PRKN: variants seen among roughly 807,000 people sequenced by gnomAD.
PRKN encodes the protein E3 ubiquitin-protein ligase parkin.
A neutral mutation model predicts 59.5 loss-of-function variants in PRKN; 56 were observed. The observed-to-expected ratio is 0.94, with a 90% CI of 0.76 to 1.18. The LOEUF is 1.18. Among genes scored for constraint, PRKN ranks in the 50% most tolerant of loss-of-function variants. The pLI is 0.00. For synonymous variants in PRKN, 250 were observed against 222.1 expected, an observed-to-expected ratio of 1.13 and a Z score of -1.12; for missense variants, 657 against 596.4, an observed-to-expected ratio of 1.10 and a Z score of -1.06.
intron 9 of PRKN, among the ~76,000 whole-genome samples, chr6:161,501,762 C>T (rs1777972734): frequency 6.6e-6 from 1 of 152,124 alleles, no homozygotes; most frequent in Non-Finnish European, 1.5e-5. Flanking sequence ...TGAATTTGTA[C>T]AAGGCTCAGT....
chr6:162,274,180 A>ATTTATTT (rs1562631892), intron 2 of PRKN, among the ~76,000 whole-genome samples: 1 of 151,226 alleles, frequency 6.6e-6, no homozygotes, highest in South Asian at 2.1e-4. Context: ...TTAATTTATT[A>ATTTATTT]ATGTATTTAT....
intron 2 of PRKN, among the ~76,000 whole-genome samples, chr6:162,285,798 A>T (rs565126409): frequency 1.3e-5 from 2 of 152,294 alleles, no homozygotes; most frequent in Non-Finnish European, 2.9e-5. Context: ...TCTGATGGGT[A>T]TGACTAGAAG....
chr6:161,520,058 G>A (rs922105607), intron 9 of PRKN, among the ~76,000 whole-genome samples: 2 of 152,172 alleles, frequency 1.3e-5, no homozygotes, highest in Non-Finnish European at 1.5e-5. Flanking sequence ...AGCCTCACCA[G>A]TAGAGATTGT....
At chr6:161,416,046 C>G (rs1787833541) in intron 9 of PRKN, among the ~76,000 whole-genome samples, 3 of 152,120 alleles carry the variant, frequency 2.0e-5, no homozygotes, top group Admixed American at 2.0e-4. Flanking sequence ...TTCCCATCCT[C>G]CCACCCCAGG....
At chr6:162,706,132 T>TAAAAAAAAAAA (rs766578797) in intron 1 of PRKN, among the ~76,000 whole-genome samples, 1 of 106,554 alleles carries the variant, frequency 9.4e-6, no homozygotes. Flanking sequence ...ACCTGAAGGT[T>TAAAAAAAAAAA]AAAAAAAAAA....
intron 2 of PRKN, among the ~76,000 whole-genome samples, chr6:162,292,473 T>C (rs528426555): frequency 3.2e-4 from 49 of 152,038 alleles, no homozygotes; most frequent in African/African-American, 1.2e-3. Flanking sequence ...AGGAGAGACT[T>C]AAAAAAAATC....
intron 5 of PRKN, among the ~76,000 whole-genome samples, chr6:162,007,426 A>G (rs1282985951): frequency 6.6e-6 from 1 of 152,220 alleles, no homozygotes; most frequent in Non-Finnish European, 1.5e-5. Flanking sequence ...GTCCCAGAGT[A>G]TAATGTGATA....
At chr6:161,684,761 T>G (rs1320848956) in intron 7 of PRKN, among the ~76,000 whole-genome samples, 2 of 151,818 alleles carry the variant, frequency 1.3e-5, no homozygotes, top group Non-Finnish European at 2.9e-5. Context: ...AAAGTCTATA[T>G]TTTAGGTCAT....
chr6:162,374,114 A>G (rs1212853482), intron 2 of PRKN, among the ~76,000 whole-genome samples: 1 of 152,224 alleles, frequency 6.6e-6, no homozygotes, highest in African/African-American at 2.4e-5. Context: ...ATACGCAAGG[A>G]GGCAGCTTAG....
chr6:161,499,132 A>ACATTT lies in PRKN; in HGVS notation c.1083+49721_1083+49722insAAATG, dbSNP rs1554267941. ...AGGGTCTGGACACACACACACACAC[A>ACATTT]TTTTTTTTTTTTTTTTGGCTCACAG... is the stretch of plus-strand genomic sequence containing the variant. On this transcript the variant is annotated intron_variant, in intron 9 of 11. Coordinates refer to ENST00000366898, the MANE Select transcript of PRKN (RefSeq NM_004562.3). This position sits in a 1 kb window ranked among gnomAD's most constrained non-coding sequence, Gnocchi z 4.2. 5.9e-5 allele frequency among the ~76,000 whole-genome samples: 8 copies of ACATTT among 136,558 alleles called. No individual in the cohort carries two copies. The highest frequency in any genetic ancestry group is 1.1e-4 in the African/African-American group (4 of 36,868). The allele number at this position is 136,558 out of a possible 152,430, so 89.6% of individuals were successfully genotyped here.
intron 1 of PRKN, 53 bp downstream of exon 1, chr6:162,727,609 T>C (rs1779343414): frequency 1.3e-6 from 2 of 1,552,058 alleles, no homozygotes; most frequent in Non-Finnish European, 1.8e-6. Flanking sequence ...CGTGGCGCCA[T>C]ACCGGGGCGT....
intron 2 of PRKN, among the ~76,000 whole-genome samples, chr6:162,351,297 A>C (rs1283220345): frequency 2.6e-5 from 4 of 152,236 alleles, no homozygotes; most frequent in Non-Finnish European, 5.9e-5. Context: ...GCAGCAAAGA[A>C]GACATATAGA....
chr6:161,547,621 C>T lies in PRKN; in HGVS notation c.1083+1233G>A, dbSNP rs1779842866. On this transcript the variant is annotated intron_variant, in intron 9 of 11. Transcript: ENST00000366898. The surrounding 1 kb of genome is among the most constrained non-coding windows in gnomAD (Gnocchi z 4.0). ...ATTTAGCCAGTAGTTAAAAACAATT[C>T]ATTAAAAGCTCATTTTAAAAGACAA... Among the ~76,000 whole-genome samples the T allele has an allele frequency of 6.6e-6, 1 of 152,188 alleles. No homozygotes were observed. Among genetic ancestry groups the T allele is most frequent in the African/African-American group, 2.4e-5 (1 of 41,444 alleles).
chr6:162,269,700 T>A (rs1025385533), intron 2 of PRKN: 1 of 152,196 alleles, frequency 6.6e-6, no homozygotes, highest in African/African-American at 2.4e-5. Flanking sequence ...TCTAAATCTG[T>A]TAAACTCTAT....
intron 4 of PRKN, among the ~76,000 whole-genome samples, chr6:162,158,454 T>C (rs1458680784): frequency 1.3e-5 from 2 of 150,668 alleles, no homozygotes; most frequent in East Asian, 3.9e-4. Context: ...GTTTTTGAGA[T>C]GGAATCCCAC....
intron 6 of PRKN, among the ~76,000 whole-genome samples, chr6:161,907,026 T>C (rs182539020): frequency 1.3e-4 from 20 of 152,214 alleles, no homozygotes; most frequent in African/African-American, 4.8e-4. Flanking sequence ...TTTATCTCCT[T>C]TGGGAACACC....
chr6:161,769,286 G>A lies in PRKN; in HGVS notation c.871+16486C>T, dbSNP rs117072104. 8.8e-3 allele frequency among the ~76,000 whole-genome samples: 1,337 copies of A among 152,258 alleles called. 3 individuals are homozygous for A. The highest frequency in any genetic ancestry group is 0.014 in the Non-Finnish European group (975 of 68,018). On this transcript the variant is annotated intron_variant, in intron 7 of 11. Transcript: ENST00000366898. ...AGGTTTGGTGGTGACTGGGTACCAG[G>A]TACTGTGCCAGTCATTTTTATATAC...
chr6:161,784,283 A>C (rs1158502934), intron 7 of PRKN, among the ~76,000 whole-genome samples: 1 of 152,174 alleles, frequency 6.6e-6, no homozygotes, highest in African/African-American at 2.4e-5. Context: ...CAACAACAAA[A>C]ACAGATAAAT....
chr6:162,556,368 T>TGTGCGTGC (rs1225518749), intron 1 of PRKN, among the ~76,000 whole-genome samples: 1 of 98,054 alleles, frequency 1.0e-5, no homozygotes, highest in Non-Finnish European at 2.4e-5. Context: ...TGTGTGTGTG[T>TGTGCGTGC]GTGTGTGTGT....
Sources: gnomAD v4.1 joint callset for allele counts (sites outside exome capture counted in the v4.1 genomes callset) on GRCh38, gnomAD v4.1.1 for gene constraint, Gnocchi (gnomAD v3.1) non-coding constraint, MANE v1.5 for transcripts, NCBI Gene and HGNC (gene_info 2026-07-23, HGNC 2026-07-21) for gene names.